The following ADGRG5 variants were observed in gnomAD, a reference collection of about 807,000 sequenced individuals.
ADGRG5 encodes adhesion G protein-coupled receptor G5.
In ADGRG5, 37 loss-of-function variants were observed where a neutral mutation model predicts 53.2. The ratio of observed to expected loss-of-function variants is 0.70; its 90% CI spans 0.53 to 0.91. The LOEUF is 0.91. Ranked by LOEUF, ADGRG5 falls within the 40% of genes least tolerant of loss-of-function variation. ADGRG5 has a pLI of 0.00. For synonymous variants in ADGRG5, 277 were observed against 290.4 expected (o/e 0.95, Z 0.47); for missense variants, 614 against 675.8 (o/e 0.91, Z 1.01).
In ADGRG5 at chr16:57,563,221, A is replaced by G. The variant is rs979635207; in HGVS notation, c.271A>G (p.Ser91Gly). 5 of 1,614,120 alleles carry G rather than the reference A, an allele frequency of 3.1e-6. No homozygotes were observed. Among genetic ancestry groups the G allele is most frequent in the South Asian group, 1.1e-5 (1 of 91,086 alleles). ...SCDFSGLSLT[S>G]ATLKRVPQAG... ...TGACTTCTCTGGCCTCTCGCTGACC[A>G]GTGCCACTCTGAAGCGGGTGCCCCA... Residue 91 changes from serine to glycine, a missense_variant, in exon 4 of 12, where the codon AGT becomes GGT. By Grantham distance (56) the Ser-to-Gly change is moderately conservative. Coordinates refer to ENST00000349457, the MANE Select transcript of ADGRG5 (RefSeq NM_001304376.3).
Position 57,565,096 on chromosome 16 carries a change from C to A in ADGRG5, c.492C>A (p.His164Gln), listed in dbSNP as rs146807848. 71 of 1,613,832 alleles carry A rather than the reference C, an allele frequency of 4.4e-5. 1 individual carries two copies. The Middle Eastern group carries it at 4.9e-4, about 11-fold the overall frequency. ...YVLGAQLSHG[H>Q]VNNLRDPVNI... Reference sequence around the variant, plus strand: ...TGGGGGCCCAGCTGAGTCATGGGCACGTGAACAACCTCAGGGATCCTGTGA... The same window carrying A: ...TGGGGGCCCAGCTGAGTCATGGGCAAGTGAACAACCTCAGGGATCCTGTGA... The change falls in exon 6 of 12, where the codon CAC becomes CAA. Residue 164 changes from histidine (H) to glutamine (Q), a missense_variant. His to Gln is a conservative substitution (Grantham distance 24). Transcript: ENST00000349457.
the ADGRG5 span, among the ~76,000 whole-genome samples, chr16:57,536,321 G>A: frequency 1.3e-5 from 2 of 152,120 alleles, no homozygotes; most frequent in Admixed American, 6.5e-5. Flanking sequence ...AGGGAGGCCG[G>A]GGAGGCGTCT....
At position 57,568,140 on chromosome 16, in the gene ADGRG5, CT is replaced by C. The variant is rs561719443; in HGVS notation, c.1090+17del. 2.6e-4 allele frequency: 416 copies of C among 1,611,542 alleles called. 1 individual carries two copies. The African/African-American group carries it at 5.0e-3, about 19-fold the overall frequency. ...CTAGGCTGGGGTAAGCACATCATCT[CT>C]CCTCGCCTCCTCAGACTTCCAGGTG... is the stretch of plus-strand genomic sequence containing the variant. On this transcript the variant is annotated intron_variant, in intron 9 of 11. Transcript: ENST00000349457.
chr16:57,558,499 T>G (rs1330774082), intron 1 of ADGRG5, among the ~76,000 whole-genome samples: 3 of 152,246 alleles, frequency 2.0e-5, no homozygotes, highest in African/African-American at 7.2e-5. Context: ...TGTTGCTTGG[T>G]GCAAGGCTTG....
chr16:57,538,118 C>T (rs2032433570), upstream of ADGRG5, among the ~76,000 whole-genome samples: 1 of 152,278 alleles, frequency 6.6e-6, no homozygotes, highest in Non-Finnish European at 1.5e-5. Flanking sequence ...CAGGCCTTCT[C>T]TCCTTAGGAA....
At position 57,544,020 on chromosome 16, in the gene ADGRG5, C is replaced by G. The variant is rs1453040697; in HGVS notation, c.-39+1319C>G. Reference sequence around the variant, plus strand: ...CTGCAACTGGTTATCAAATTCTCATCTTCCAAAGGCTCTGTCCTGTGCTCC... The same window carrying G: ...CTGCAACTGGTTATCAAATTCTCATGTTCCAAAGGCTCTGTCCTGTGCTCC... On this transcript the variant is annotated intron_variant, in intron 1 of 11. Coordinates refer to ENST00000349457, the MANE Select transcript of ADGRG5 (RefSeq NM_001304376.3). Among the ~76,000 whole-genome samples the G allele has an allele frequency of 2.6e-5, 4 of 152,200 alleles. No individual in the cohort carries two copies. The East Asian group carries it at 7.7e-4, about 29-fold the overall frequency.
chr16:57,574,687 G>C lies in ADGRG5; in HGVS notation c.1209-128G>C. 1 of 1,023,094 alleles carries C rather than the reference G, an allele frequency of 9.8e-7. No homozygotes were observed. Among genetic ancestry groups the C allele is most frequent in the Non-Finnish European group, 1.4e-6 (1 of 726,730 alleles). 63.4% of individuals were successfully genotyped at this position (1,023,094 alleles called of 1,614,324 possible). On this transcript the variant is annotated intron_variant, in intron 10 of 11. Transcript: ENST00000349457. This position sits in a 1 kb window ranked among gnomAD's most constrained non-coding sequence, Gnocchi z 4.4. ...GGAAAGCCGGGTGAGGGGTTTCACT[G>C]TGTGTTCAGTCAGGCAAGAAACAAT... is the stretch of plus-strand genomic sequence containing the variant.
Position 57,575,578 on chromosome 16 carries a change from G to A in ADGRG5, c.*40G>A, listed in dbSNP as rs374246263. 2.4e-5 allele frequency: 36 copies of A among 1,512,672 alleles called. No homozygotes were observed. The highest frequency in any genetic ancestry group is 1.2e-4 in the African/African-American group (9 of 72,922). The allele number at this position is 1,512,672 out of a possible 1,614,324, so 93.7% of individuals were successfully genotyped here. On this transcript the variant is annotated 3_prime_UTR_variant, in exon 12 of 12. Coordinates refer to ENST00000349457, the MANE Select transcript of ADGRG5 (RefSeq NM_001304376.3). ...CCTGGAATCCTCAGCCTCTCTGGCC[G>A]CCAGTAGCCTGAGGCTACGGCTCCT...
the ADGRG5 span, among the ~76,000 whole-genome samples, chr16:57,537,266 G>T: frequency 1.3e-5 from 2 of 151,750 alleles, no homozygotes; most frequent in African/African-American, 4.9e-5. Flanking sequence ...GCCGGGACAG[G>T]CGTCTGGAGG....
upstream of ADGRG5, among the ~76,000 whole-genome samples, chr16:57,538,373 A>G (rs2032438800): frequency 6.6e-6 from 1 of 152,144 alleles, no homozygotes; most frequent in Non-Finnish European, 1.5e-5. Flanking sequence ...GGGAAGCCAA[A>G]GCGGGAGGAT....
chr16:57,566,143 A>G (rs1435344295), intron 6 of ADGRG5: 1 of 154,066 alleles, frequency 6.5e-6, no homozygotes, highest in East Asian at 1.9e-4. Context: ...CATTTCCTCC[A>G]CTTCTCCACC....
Position 57,556,908 on chromosome 16 carries a change from C to CTTTTTTTTTTTTTTTTTT in ADGRG5, c.-38-5146_-38-5129dup, listed in dbSNP as rs35948606. Among the ~76,000 whole-genome samples the CTTTTTTTTTTTTTTTTTT allele has an allele frequency of 2.2e-4, 25 of 115,778 alleles. 1 individual carries two copies. The highest frequency in any genetic ancestry group is 8.4e-4 in the African/African-American group (23 of 27,408). The allele number at this position is 115,778 out of a possible 152,430, so 76.0% of individuals were successfully genotyped here. Reference sequence around the variant, plus strand: ...GAAGAAGTTCTTATTTTGCCTTCTTCTTTTTTTTTTTTTTTTTTTGAGACA... The same window carrying CTTTTTTTTTTTTTTTTTT: ...GAAGAAGTTCTTATTTTGCCTTCTTCTTTTTTTTTTTTTTTTTTTTTTTTTTTTTTTTTTTTTGAGACA... On this transcript the variant is annotated intron_variant, in intron 1 of 11. Transcript: ENST00000349457.
In ADGRG5 at chr16:57,563,930, G is replaced by A; in HGVS notation, c.380G>A (p.Arg127Lys). 2 of 1,614,106 alleles carry A rather than the reference G, an allele frequency of 1.2e-6. No homozygotes were observed. The highest frequency in any genetic ancestry group is 2.2e-5 in the South Asian group (2 of 91,072). ...CGGGACGCCTGCAAGACCCGCCCCA[G>A]GGAGCTGCGGCTCATCTGTATCTAC... ...LTRDACKTRP[R>K]ELRLICIYFS... The change falls in exon 5 of 12, where the codon AGG becomes AAG. Residue 127 changes from arginine to lysine, a missense_variant. By Grantham distance (26) the Arg-to-Lys change is conservative (BLOSUM62 2). Coordinates refer to ENST00000349457, the MANE Select transcript of ADGRG5 (RefSeq NM_001304376.3).
chr16:57,567,931 G>A lies in ADGRG5; in HGVS notation c.897G>A (p.Leu299=), dbSNP rs1301133186. ...ASVLLLNIAF[L]LSPAFAMSPV... The stretch of plus-strand genomic sequence containing the variant: ...TGCTGCTCCTGAACATCGCCTTCCT[G>A]CTGAGCCCCGCATTCGCAATGTCTC... The change falls in exon 9 of 12, where the codon CTG becomes CTA. Residue 299 remains leucine (L), a synonymous_variant. Coordinates refer to ENST00000349457, the MANE Select transcript of ADGRG5 (RefSeq NM_001304376.3). The A allele has an allele frequency of 6.2e-7, 1 of 1,613,750 alleles. No homozygotes were observed.
At chr16:57,529,580 C>T in the ADGRG5 span, among the ~76,000 whole-genome samples, 1 of 152,198 alleles carries the variant, frequency 6.6e-6, no homozygotes. This position sits in a 1 kb window ranked among gnomAD's most constrained non-coding sequence, Gnocchi z 4.1. Context: ...CTCCCGGTCC[C>T]GGCTCACACA....
At chr16:57,558,622 ACCT>A (rs2032933023) in intron 1 of ADGRG5, among the ~76,000 whole-genome samples, 1 of 152,066 alleles carries the variant, frequency 6.6e-6, no homozygotes. Flanking sequence ...GTTTTTGACA[ACCT>A]CTGCTTCTTA....
In ADGRG5 at chr16:57,567,557, T is replaced by A; in HGVS notation, c.787T>A (p.Ser263Thr). 6.2e-7 allele frequency: 1 copy of A among 1,611,810 alleles called. No individual in the cohort carries two copies. Among genetic ancestry groups the A allele is most frequent in the African/African-American group, 1.3e-5 (1 of 75,026 alleles). The change falls in exon 8 of 12, where the codon TCG becomes ACG. Residue 263 changes from serine to threonine, a missense_variant. Ser to Thr is a moderately conservative substitution (Grantham distance 58). Coordinates refer to ENST00000349457, the MANE Select transcript of ADGRG5 (RefSeq NM_001304376.3). Reference sequence around the variant, plus strand: ...GGGCTGCAGCATCTCCATCGTGGCCTCGCTGATCACAGTCCTGCTGCACTT... The same window carrying A: ...GGGCTGCAGCATCTCCATCGTGGCCACGCTGATCACAGTCCTGCTGCACTT... ...LVGCSISIVA[S>T]LITVLLHFHF...
intron 10 of ADGRG5, among the ~76,000 whole-genome samples, chr16:57,572,035 C>T (rs934718394): frequency 5.9e-5 from 9 of 152,074 alleles, no homozygotes; most frequent in African/African-American, 2.2e-4. Flanking sequence ...GAACACCCAC[C>T]TACGAGCCAG....
At chr16:57,569,084 CCAT>C (rs1213475490) in intron 9 of ADGRG5, among the ~76,000 whole-genome samples, 2 of 150,336 alleles carry the variant, frequency 1.3e-5, no homozygotes, top group African/African-American at 2.5e-5. Flanking sequence ...TTCATCACCA[CCAT>C]CATCACCTCC....
Sources: gnomAD v4.1 joint callset for allele counts (sites outside exome capture counted in the v4.1 genomes callset) on GRCh38, gnomAD v4.1.1 for gene constraint, Gnocchi (gnomAD v3.1) non-coding constraint, MANE v1.5 for transcripts, NCBI Gene and HGNC (gene_info 2026-07-23, HGNC 2026-07-21) for gene names.